FCHSD2: variants seen among roughly 807,000 people sequenced by gnomAD.
The protein encoded by FCHSD2 is F-BAR and double SH3 domains protein 2.
Under a neutral mutation model 108.1 loss-of-function variants are expected in FCHSD2, and 38 were observed. That is an observed-to-expected ratio of 0.35 (90% CI 0.27 to 0.46). FCHSD2 has a LOEUF of 0.46. Ranked by LOEUF, FCHSD2 falls within the 20% of genes least tolerant of loss-of-function variation. The pLI is 1.00. For missense variants in FCHSD2, 751 were observed against 897.8 expected (o/e 0.84, Z 2.09); for synonymous variants, 279 against 314.7 (o/e 0.89, Z 1.20).
chr11:73,096,987 A>ATTTTTTTTTTTTTTTTTTTTTTTT lies in FCHSD2; in HGVS notation c.120-13271_120-13248dup, dbSNP rs60223064. On this transcript the variant is annotated intron_variant, in intron 2 of 19. Transcript: ENST00000409418. ...CTAATGTGATGTATTTCATTGATGG[A>ATTTTTTTTTTTTTTTTTTTTTTTT]TTTTTTTTTTTTTTTTTTTTTTTTT... Among the ~76,000 whole-genome samples the ATTTTTTTTTTTTTTTTTTTTTTTT allele has an allele frequency of 3.6e-3, 97 of 27,044 alleles. 37 individuals carry two copies. Among genetic ancestry groups the ATTTTTTTTTTTTTTTTTTTTTTTT allele is most frequent in the East Asian group, 0.012 (7 of 566 alleles). The allele number at this position is 27,044 out of a possible 152,430, so 17.7% of individuals were successfully genotyped here.
intron 4 of FCHSD2, among the ~76,000 whole-genome samples, chr11:73,008,200 A>C (rs1857783644): frequency 6.6e-6 from 1 of 152,128 alleles, no homozygotes; most frequent in African/African-American, 2.4e-5. Context: ...TTAGCAGGGC[A>C]TGGTGATGCA....
At chr11:73,046,172 G>A (rs965933048) in intron 3 of FCHSD2, among the ~76,000 whole-genome samples, 30 of 151,870 alleles carry the variant, frequency 2.0e-4, no homozygotes, top group African/African-American at 7.3e-4. Context: ...TTAATGTTTT[G>A]TAAAGACAGG....
intron 3 of FCHSD2, among the ~76,000 whole-genome samples, chr11:73,053,329 T>G (rs370615702): frequency 1.3e-5 from 2 of 151,826 alleles, no homozygotes; most frequent in Non-Finnish European, 2.9e-5. Context: ...CATTGAGAGA[T>G]AATTTAAATT....
chr11:72,868,624 G>C (rs914844187), intron 12 of FCHSD2, among the ~76,000 whole-genome samples: 1 of 152,100 alleles, frequency 6.6e-6, no homozygotes, highest in African/African-American at 2.4e-5. Flanking sequence ...CCAGGAAGGG[G>C]AAGTTGCAGT....
intron 12 of FCHSD2, among the ~76,000 whole-genome samples, chr11:72,886,349 G>C (rs2135243493): frequency 6.6e-6 from 1 of 152,240 alleles, no homozygotes; most frequent in Non-Finnish European, 1.5e-5. Flanking sequence ...GCATAAGTCT[G>C]TGCTATCCCC....
At chr11:73,082,422 C>T (rs1859717502) in intron 3 of FCHSD2, among the ~76,000 whole-genome samples, 1 of 150,034 alleles carries the variant, frequency 6.7e-6, no homozygotes. Flanking sequence ...TGTAAAGCAC[C>T]TGATACACAA....
chr11:72,867,641 A>G (rs897340284), intron 13 of FCHSD2, among the ~76,000 whole-genome samples: 2 of 152,206 alleles, frequency 1.3e-5, no homozygotes, highest in Admixed American at 6.5e-5. Context: ...CCAAATAGTG[A>G]TAACATATTC....
At chr11:73,067,689 C>A (rs2135495153) in intron 3 of FCHSD2, among the ~76,000 whole-genome samples, 2 of 151,866 alleles carry the variant, frequency 1.3e-5, no homozygotes, top group Middle Eastern at 6.8e-3. Context: ...AGGATAAGCA[C>A]AGAGAAAATG....
intron 13 of FCHSD2, among the ~76,000 whole-genome samples, chr11:72,854,264 A>C (rs565396381): frequency 2.6e-5 from 4 of 152,390 alleles, no homozygotes; most frequent in African/African-American, 9.6e-5. Flanking sequence ...AGACTTGAAC[A>C]GATATTTGTA....
chr11:73,118,459 T>C (rs926722160), intron 2 of FCHSD2, among the ~76,000 whole-genome samples: 1 of 152,200 alleles, frequency 6.6e-6, no homozygotes, highest in African/African-American at 2.4e-5. Flanking sequence ...ACAAATTAGT[T>C]CTGCCTGTTT....
intron 3 of FCHSD2, among the ~76,000 whole-genome samples, chr11:73,028,874 T>C (rs1315164097): frequency 1.3e-5 from 2 of 152,148 alleles, no homozygotes; most frequent in Non-Finnish European, 1.5e-5. Flanking sequence ...ATGTAAGAGA[T>C]GCCTTGCTTC....
At chr11:72,840,005 G>A (rs765027262) in intron 19 of FCHSD2, among the ~76,000 whole-genome samples, 20 of 152,204 alleles carry the variant, frequency 1.3e-4, no homozygotes, top group Middle Eastern at 3.2e-3. Context: ...CAAATGTAGA[G>A]AAGCACATCA....
intron 4 of FCHSD2, among the ~76,000 whole-genome samples, chr11:73,009,329 T>C (rs1319204984): frequency 1.3e-5 from 2 of 151,992 alleles, no homozygotes; most frequent in Admixed American, 1.3e-4. Flanking sequence ...AAACTCCATC[T>C]CTACTAAAAA....
intron 2 of FCHSD2, among the ~76,000 whole-genome samples, chr11:73,113,935 A>T (rs1160432967): frequency 1.3e-5 from 2 of 152,010 alleles, no homozygotes; most frequent in Non-Finnish European, 2.9e-5. Flanking sequence ...ACTTTCTCAC[A>T]ACACTTGGTC....
At chr11:72,899,886 G>C (rs893869776) in intron 10 of FCHSD2, among the ~76,000 whole-genome samples, 3 of 151,966 alleles carry the variant, frequency 2.0e-5, no homozygotes, top group African/African-American at 7.3e-5. Context: ...GAATAGCACA[G>C]CAGACATAAC....
chr11:72,989,309 T>A (rs976014899), intron 5 of FCHSD2, among the ~76,000 whole-genome samples: 1 of 152,190 alleles, frequency 6.6e-6, no homozygotes, highest in African/African-American at 2.4e-5. Flanking sequence ...GTGTCACAGT[T>A]TGCCTAACAA....
intron 2 of FCHSD2, among the ~76,000 whole-genome samples, chr11:73,119,443 T>C (rs775297716): frequency 6.6e-5 from 10 of 152,186 alleles, no homozygotes; most frequent in Non-Finnish European, 1.3e-4. Flanking sequence ...GAGAGGTGTG[T>C]TAAAATCTCC....
intron 10 of FCHSD2, among the ~76,000 whole-genome samples, chr11:72,900,095 G>A (rs1438764331): frequency 6.6e-6 from 1 of 152,226 alleles, no homozygotes; most frequent in African/African-American, 2.4e-5. Context: ...ACTATAAACA[G>A]GGAAGGAAAT....
intron 12 of FCHSD2, among the ~76,000 whole-genome samples, chr11:72,878,640 T>C (rs1350605501): frequency 6.6e-6 from 1 of 152,164 alleles, no homozygotes; most frequent in African/African-American, 2.4e-5. Context: ...TTTTAGATAA[T>C]ATGGAACTTA....
Sources: gnomAD v4.1 joint callset for allele counts (sites outside exome capture counted in the v4.1 genomes callset) on GRCh38, gnomAD v4.1.1 for gene constraint, MANE v1.5 for transcripts, NCBI Gene and HGNC (gene_info 2026-07-23, HGNC 2026-07-21) for gene names.